ERC2: variants seen among roughly 807,000 people sequenced by gnomAD.
The protein encoded by ERC2 is ELKS/RAB6-interacting/CAST family member 2.
ERC2 carries 42 observed loss-of-function variants against 114.8 expected under a neutral mutation model. The ratio of observed to expected loss-of-function variants is 0.37; its 90% CI spans 0.29 to 0.47. The LOEUF (loss-of-function observed/expected upper bound fraction) is 0.47, where lower values mean the gene tolerates loss of function less well. ERC2 is among the 20% of genes least tolerant of loss of function. ERC2 has a pLI of 0.99. For synonymous variants in ERC2, 454 were observed against 425.5 expected (o/e 1.07, Z -0.82); for missense variants, 939 against 1,150.7 (o/e 0.82, Z 2.66).
chr3:56,301,074 C>A (rs796160312), intron 2 of ERC2, among the ~76,000 whole-genome samples: 18 of 152,236 alleles, frequency 1.2e-4, no homozygotes, highest in African/African-American at 3.4e-4. Flanking sequence ...CATAGAGAGA[C>A]CCCATATCTA....
chr3:55,731,045 C>T (rs886442424), intron 15 of ERC2, among the ~76,000 whole-genome samples: 62 of 152,284 alleles, frequency 4.1e-4, no homozygotes, highest in African/African-American at 1.4e-3. Context: ...CAGGACTGCC[C>T]TCCTTCACTG....
At chr3:56,347,109 T>C (rs539350832) in intron 2 of ERC2, among the ~76,000 whole-genome samples, 2 of 152,244 alleles carry the variant, frequency 1.3e-5, no homozygotes, top group East Asian at 3.9e-4. Flanking sequence ...AAACTGGGAA[T>C]TGGTGTTAGA....
chr3:55,573,227 A>G (rs1283058346), intron 17 of ERC2, among the ~76,000 whole-genome samples: 2 of 151,992 alleles, frequency 1.3e-5, no homozygotes, highest in Non-Finnish European at 2.9e-5. Flanking sequence ...AATGTTTATT[A>G]GCAAAGTATT....
intron 2 of ERC2, among the ~76,000 whole-genome samples, chr3:56,364,649 T>G (rs1384589585): frequency 6.6e-6 from 1 of 152,204 alleles, no homozygotes; most frequent in East Asian, 1.9e-4. Flanking sequence ...TTCCTACATT[T>G]CCCAAATTTT....
intron 2 of ERC2, among the ~76,000 whole-genome samples, chr3:56,363,518 A>T (rs1261735033): frequency 6.6e-6 from 1 of 152,146 alleles, no homozygotes; most frequent in Non-Finnish European, 1.5e-5. Context: ...TGAGAAGCAG[A>T]AGCAAATAGG....
At chr3:55,778,649 T>C (rs1235905262) in intron 14 of ERC2, among the ~76,000 whole-genome samples, 2 of 152,044 alleles carry the variant, frequency 1.3e-5, no homozygotes, top group African/African-American at 2.4e-5. Flanking sequence ...ATAATTTGCA[T>C]CCACAATATG....
In ERC2 at chr3:56,188,410, G is replaced by A. The variant is rs577286959; in HGVS notation, c.1075-14890C>T. Among the ~76,000 whole-genome samples, 16 of 152,226 alleles carry A rather than the reference G, an allele frequency of 1.1e-4. No homozygotes were observed. In the South Asian group the frequency reaches 3.3e-3, roughly 32 times the overall value. ...ATTTTAGAGATGCCAGCAAGGAATGGCATATGAATCAACAGCGTGTTCCCT... is the reference window on the plus strand; with the variant it reads ...ATTTTAGAGATGCCAGCAAGGAATGACATATGAATCAACAGCGTGTTCCCT... On this transcript the variant is annotated intron_variant, in intron 3 of 17. Transcript: ENST00000288221.
intron 13 of ERC2, among the ~76,000 whole-genome samples, chr3:55,944,243 A>T (rs886915218): frequency 6.6e-6 from 1 of 152,238 alleles, no homozygotes; most frequent in Non-Finnish European, 1.5e-5. Context: ...GCAAACAAAC[A>T]TTCACTTTGC....
intron 15 of ERC2, 137 bp downstream of exon 15, chr3:55,734,634 T>C: frequency 1.1e-6 from 1 of 939,172 alleles, no homozygotes; most frequent in Non-Finnish European, 1.5e-6. Context: ...GACAACTGGG[T>C]CCATTGCACT....
intron 6 of ERC2, among the ~76,000 whole-genome samples, chr3:56,111,853 T>G (rs971912804): frequency 6.6e-6 from 1 of 152,224 alleles, no homozygotes; most frequent in Non-Finnish European, 1.5e-5. Flanking sequence ...CAAATATTGC[T>G]GAACTGTTTA....
At chr3:56,348,702 A>C (rs955867626) in intron 2 of ERC2, among the ~76,000 whole-genome samples, 6 of 151,844 alleles carry the variant, frequency 4.0e-5, no homozygotes, top group African/African-American at 1.5e-4. Context: ...ACCACTCTCT[A>C]TACCAGCCCC....
chr3:55,714,178 T>C (rs1252497262), intron 15 of ERC2, among the ~76,000 whole-genome samples: 6 of 152,222 alleles, frequency 3.9e-5, no homozygotes, highest in Admixed American at 3.3e-4. Context: ...CCTAAAAAAA[T>C]GGAAAGTTAA....
At chr3:56,021,804 T>A (rs1386500305) in intron 7 of ERC2, among the ~76,000 whole-genome samples, 1 of 152,230 alleles carries the variant, frequency 6.6e-6, no homozygotes, top group Non-Finnish European at 1.5e-5. Context: ...CTCCCACTTA[T>A]GAGTAAGAAC....
chr3:56,240,872 G>A (rs373312234), intron 3 of ERC2, among the ~76,000 whole-genome samples: 1 of 152,112 alleles, frequency 6.6e-6, no homozygotes, highest in African/African-American at 2.4e-5. Flanking sequence ...GGTTGGTTAC[G>A]TGGATATATC....
rs186213657 is a variant in ERC2, at chr3:55,720,276, C to A, written c.2712+14495G>T. Reference sequence around the variant, plus strand: ...CTCTCTCTCTCTGTCTATCTCTCTGCCCCTCCCTCCCTCCCTCTCTTTCTT... The same window carrying A: ...CTCTCTCTCTCTGTCTATCTCTCTGACCCTCCCTCCCTCCCTCTCTTTCTT... On this transcript the variant is annotated intron_variant, in intron 15 of 17. Transcript: ENST00000288221. Among the ~76,000 whole-genome samples, 53 of 59,586 alleles carry A rather than the reference C, an allele frequency of 8.9e-4. 12 individuals are homozygous for A. Among genetic ancestry groups the A allele is most frequent in the African/African-American group, 4.2e-3 (52 of 12,268 alleles). 39.1% of individuals were successfully genotyped at this position (59,586 alleles called of 152,430 possible). A position where few individuals can be genotyped will look rare whatever the true frequency, so the allele number is the denominator to read the frequency against.
chr3:55,887,220 T>C (rs1381650856), intron 14 of ERC2, among the ~76,000 whole-genome samples: 2 of 152,240 alleles, frequency 1.3e-5, no homozygotes, highest in Non-Finnish European at 1.5e-5. Context: ...GGTTTTATTA[T>C]ATTATCTTTT....
intron 2 of ERC2, among the ~76,000 whole-genome samples, chr3:56,314,587 C>T (rs2056776985): frequency 1.3e-5 from 2 of 151,996 alleles, no homozygotes; most frequent in Non-Finnish European, 2.9e-5. Flanking sequence ...TTTAGTTTGG[C>T]CACTTCAAGT....
chr3:55,635,287 C>G lies in ERC2; in HGVS notation c.*39+48507G>C, dbSNP rs916643936. Among the ~76,000 whole-genome samples the G allele has an allele frequency of 2.6e-5, 4 of 152,112 alleles. No individual in the cohort carries two copies. In the South Asian group the frequency reaches 8.3e-4, roughly 32 times the overall value. On this transcript the variant is annotated intron_variant, in intron 17 of 17. Coordinates refer to ENST00000288221, the MANE Select transcript of ERC2 (RefSeq NM_015576.3). ...AATATTTAGACAAATCCTCCAAGATCTCTGTCAGGTTGGAACAGGAAATGC... is the reference window on the plus strand; with the variant it reads ...AATATTTAGACAAATCCTCCAAGATGTCTGTCAGGTTGGAACAGGAAATGC...
intron 3 of ERC2, among the ~76,000 whole-genome samples, chr3:56,193,109 C>T (rs2047891188): frequency 1.3e-5 from 2 of 152,100 alleles, no homozygotes; most frequent in Non-Finnish European, 2.9e-5. Flanking sequence ...AAAGAAAATT[C>T]ATGAATACAG....
Sources: allele counts gnomAD v4.1 joint callset (sites outside exome capture counted in the v4.1 genomes callset), GRCh38; gene constraint gnomAD v4.1.1; transcripts MANE v1.5; gene names NCBI Gene and HGNC (gene_info 2026-07-23, HGNC 2026-07-21).